The following RIMS3 variants were observed in gnomAD, a reference collection of about 807,000 sequenced individuals.
RIMS3 encodes regulating synaptic membrane exocytosis 3.
Under a neutral mutation model 29.2 loss-of-function variants are expected in RIMS3, and 15 were observed. That is an observed-to-expected ratio of 0.51 (90% confidence interval 0.34 to 0.79). RIMS3 has a LOEUF of 0.79. RIMS3 is among the 30% of genes least tolerant of loss of function. RIMS3 has a pLI of 0.01. For missense variants in RIMS3, 342 were observed against 421.4 expected (o/e 0.81, Z 1.65); for synonymous variants, 161 against 170.1 (o/e 0.95, Z 0.41).
At chr1:40,676,065 G>A in the RIMS3 span, among the ~76,000 whole-genome samples, 1 of 152,136 alleles carries the variant, frequency 6.6e-6, no homozygotes, top group Non-Finnish European at 1.5e-5. Flanking sequence ...CAGTGATGAG[G>A]AGTGGTGAGA....
chr1:40,671,530 T>C, the RIMS3 span, among the ~76,000 whole-genome samples: 2 of 152,128 alleles, frequency 1.3e-5, no homozygotes, highest in African/African-American at 2.4e-5. Context: ...CTTCTCATTA[T>C]AGTGAGTGAG....
the RIMS3 span, among the ~76,000 whole-genome samples, chr1:40,673,017 T>C: frequency 6.6e-6 from 1 of 152,018 alleles, no homozygotes; most frequent in Non-Finnish European, 1.5e-5. Flanking sequence ...CTGTCTCTAC[T>C]AAAAATACAA....
the RIMS3 span, among the ~76,000 whole-genome samples, chr1:40,690,174 A>C: frequency 6.6e-6 from 1 of 152,338 alleles, no homozygotes; most frequent in East Asian, 1.9e-4. Context: ...CTTCATTGTA[A>C]CTAAATGTAC....
chr1:40,639,328 C>A (rs1646541221), intron 3 of RIMS3, among the ~76,000 whole-genome samples: 1 of 152,170 alleles, frequency 6.6e-6, no homozygotes, highest in African/African-American at 2.4e-5. Context: ...GATGCTCCCA[C>A]CCATGAGGTG....
At chr1:40,669,257 A>G (rs2148368435), upstream of RIMS3, 1 of 152,378 alleles carries the variant, frequency 6.6e-6, no homozygotes, top group African/African-American at 2.4e-5. Context: ...AGGTAGGTGC[A>G]CTGTATTCTT....
At chr1:40,668,503 G>A (rs996692971), upstream of RIMS3, among the ~76,000 whole-genome samples, 3 of 91,434 alleles carry the variant, frequency 3.3e-5, no homozygotes, top group African/African-American at 8.6e-5. Context: ...GGGGGGGGGG[G>A]GTTGGTGGCG....
intron 1 of RIMS3, among the ~76,000 whole-genome samples, chr1:40,648,073 T>C (rs933835064): frequency 6.6e-6 from 1 of 152,068 alleles, no homozygotes; most frequent in African/African-American, 2.4e-5. Flanking sequence ...ACCCACAACT[T>C]TGAGATTTTT....
At chr1:40,687,468 G>T in the RIMS3 span, 3 of 151,976 alleles carry the variant, frequency 2.0e-5, no homozygotes, top group Non-Finnish European at 4.4e-5. Context: ...CGGGCCTGGT[G>T]GCACGCGCCT....
the RIMS3 span, among the ~76,000 whole-genome samples, chr1:40,688,596 C>T: frequency 6.6e-6 from 1 of 152,198 alleles, no homozygotes; most frequent in Admixed American, 6.5e-5. Context: ...TCACTTAATT[C>T]TGTCCCTATC....
rs1642413222 is a variant in RIMS3 at position 40,665,585 on chromosome 1, G to A, written c.-398C>T. On this transcript the variant is annotated 5_prime_UTR_variant, in exon 1 of 8. Coordinates refer to ENST00000372684, the MANE Select transcript of RIMS3 (RefSeq NM_014747.3). ...GGAGGGGCGGCGAGGGAGGCTCACGGGGGCATCGCCCGCCACCACGGGGGC... is the reference window on the plus strand; with the variant it reads ...GGAGGGGCGGCGAGGGAGGCTCACGAGGGCATCGCCCGCCACCACGGGGGC... The A allele has an allele frequency of 6.6e-6, 1 of 152,126 alleles. No homozygotes were observed. The highest frequency in any genetic ancestry group is 1.5e-5 in the Non-Finnish European group (1 of 68,002). 9.4% of individuals were successfully genotyped at this position (152,126 alleles called of 1,614,324 possible). A position where few individuals can be genotyped will look rare whatever the true frequency, so the allele number is the denominator to read the frequency against.
At chr1:40,639,559 A>T (rs991385760) in intron 3 of RIMS3, among the ~76,000 whole-genome samples, 1 of 152,284 alleles carries the variant, frequency 6.6e-6, no homozygotes, top group South Asian at 2.1e-4. Context: ...GTGCCTTTGC[A>T]TACCCTATCT....
chr1:40,649,886 G>A (rs554481451), intron 1 of RIMS3, among the ~76,000 whole-genome samples: 47 of 152,300 alleles, frequency 3.1e-4, no homozygotes, highest in African/African-American at 1.1e-3. Context: ...GGTAAGGGAT[G>A]GGTTGAGAAC....
At position 40,627,343 on chromosome 1, in the gene RIMS3, C is replaced by T. The variant is rs578172971; in HGVS notation, c.715-614G>A. Reference sequence around the variant, plus strand: ...TCCTGGGTTCATGCCATTCTCCTGCCTCAGCCTCCCGAGTAGCTGGGACTA... The same window carrying T: ...TCCTGGGTTCATGCCATTCTCCTGCTTCAGCCTCCCGAGTAGCTGGGACTA... On this transcript the variant is annotated intron_variant, in intron 7 of 7. Transcript: ENST00000372684. Among the ~76,000 whole-genome samples, 8 of 152,242 alleles carry T rather than the reference C, an allele frequency of 5.3e-5. No homozygotes were observed. In the East Asian group the frequency reaches 1.5e-3, roughly 29 times the overall value.
At chr1:40,661,657 G>C (rs1011635950) in intron 1 of RIMS3, among the ~76,000 whole-genome samples, 4 of 152,208 alleles carry the variant, frequency 2.6e-5, no homozygotes, top group Admixed American at 2.0e-4. Context: ...CATCCAGATA[G>C]GGTTTATGGT....
At chr1:40,666,412 G>A (rs1379002793), upstream of RIMS3, among the ~76,000 whole-genome samples, 1 of 152,206 alleles carries the variant, frequency 6.6e-6, no homozygotes, top group African/African-American at 2.4e-5. Flanking sequence ...CAGCCCCTGC[G>A]CCAGAGAATT....
In RIMS3 at chr1:40,626,620, T is replaced by C. The variant is rs1646456253; in HGVS notation, c.824A>G (p.Lys275Arg). 6.2e-7 allele frequency: 1 copy of C among 1,613,992 alleles called. No individual in the cohort carries two copies. Among genetic ancestry groups the C allele is most frequent in the African/African-American group, 1.3e-5 (1 of 74,910 alleles). ...DLSAAVTGWY[K>R]LFPTSSVADS... ...TGCCACTGAGGAGGTGGGGAAGAGT[T>C]TGTACCAGCCGGTGACCGCGGCGCT... The change falls in exon 8 of 8, where the codon AAA becomes AGA. Residue 275 changes from lysine to arginine, a missense_variant. By Grantham distance (26) the Lys-to-Arg change is conservative. Transcript: ENST00000372684.
chr1:40,649,812 C>T (rs909634707), intron 1 of RIMS3, among the ~76,000 whole-genome samples: 8 of 152,214 alleles, frequency 5.3e-5, no homozygotes, highest in Non-Finnish European at 1.2e-4. Flanking sequence ...CAGGGACAGG[C>T]AGCTTTGGGC....
At chr1:40,675,063 C>T in the RIMS3 span, among the ~76,000 whole-genome samples, 1 of 151,998 alleles carries the variant, frequency 6.6e-6, no homozygotes, top group Non-Finnish European at 1.5e-5. Flanking sequence ...GAGCTCAAGA[C>T]CAGCCTGGAC....
rs916477001 is a variant in RIMS3 at position 40,626,373 on chromosome 1, C to A, written c.*144G>T. On this transcript the variant is annotated 3_prime_UTR_variant, in exon 8 of 8. Transcript: ENST00000372684. ...ACACACGCACACACTACAGTCTCCA[C>A]TGCCAGCTGGGATGAGCCCAGTAGC... 7 of 762,398 alleles carry A rather than the reference C, an allele frequency of 9.2e-6. No homozygotes were observed. The allele number at this position is 762,398 out of a possible 1,614,324, so 47.2% of individuals were successfully genotyped here. A position where few individuals can be genotyped will look rare whatever the true frequency, so the allele number is the denominator to read the frequency against.
Sources: gnomAD v4.1 joint callset for allele counts (sites outside exome capture counted in the v4.1 genomes callset) on GRCh38, gnomAD v4.1.1 for gene constraint, MANE v1.5 for transcripts, NCBI Gene and HGNC (gene_info 2026-07-23, HGNC 2026-07-21) for gene names.